MICU3: variants seen among roughly 807,000 people sequenced by gnomAD.
MICU3 encodes the protein mitochondrial calcium uptake 3.
Under a neutral mutation model 66.5 loss-of-function variants are expected in MICU3, and 62 were observed. The observed-to-expected ratio is 0.93, with a 90% CI of 0.76 to 1.15. The LOEUF (loss-of-function observed/expected upper bound fraction) is 1.15. Ranked by LOEUF, MICU3 falls within the 50% of genes most tolerant of loss-of-function variation. MICU3 has a pLI of 0.00. For synonymous variants in MICU3, 308 were observed against 240.7 expected (o/e 1.28, Z -2.59); for missense variants, 779 against 664.4 (o/e 1.17, Z -1.90).
At chr8:17,085,437 C>A in intron 6 of MICU3, 119 bp downstream of exon 6, 1 of 554,944 alleles carries the variant, frequency 1.8e-6, no homozygotes, top group Non-Finnish European at 3.2e-6. Context: ...TACGCTTTTG[C>A]CTTTACTTAA....
chr8:17,109,311 C>G (rs1247484818), intron 11 of MICU3, among the ~76,000 whole-genome samples: 1 of 151,900 alleles, frequency 6.6e-6, no homozygotes, highest in Non-Finnish European at 1.5e-5. Context: ...GAACTTGAAG[C>G]TTTTTTGTTT....
At chr8:17,110,726 G>C (rs1016299179) in intron 11 of MICU3, among the ~76,000 whole-genome samples, 5 of 148,640 alleles carry the variant, frequency 3.4e-5, no homozygotes, top group African/African-American at 1.2e-4. Flanking sequence ...ACTGTACCTG[G>C]CAATTTTTTT....
chr8:17,041,940 G>C (rs1563279831), intron 1 of MICU3, among the ~76,000 whole-genome samples: 1 of 152,130 alleles, frequency 6.6e-6, no homozygotes, highest in Non-Finnish European at 1.5e-5. Context: ...ATAGAGGTTT[G>C]GGGGAAAGTG....
downstream of MICU3, among the ~76,000 whole-genome samples, chr8:17,125,202 A>C (rs1585600966): frequency 6.6e-6 from 1 of 151,552 alleles, no homozygotes; most frequent in African/African-American, 2.4e-5. Context: ...GTACCTTTTA[A>C]AGATTTCCAA....
At chr8:17,046,820 AAAG>A (rs1234585413) in intron 1 of MICU3, among the ~76,000 whole-genome samples, 1 of 152,122 alleles carries the variant, frequency 6.6e-6, no homozygotes, top group Non-Finnish European at 1.5e-5. Flanking sequence ...TCAGAGTAGA[AAAG>A]AAGACTCTTC....
chr8:17,036,962 G>A (rs189971582), intron 1 of MICU3, among the ~76,000 whole-genome samples: 1,596 of 152,354 alleles, frequency 0.01, 24 homozygotes, highest in African/African-American at 0.036. Flanking sequence ...GTCCTGCCCC[G>A]CGGGAAGGCA....
chr8:17,030,246 A>T (rs1458777898), intron 1 of MICU3, among the ~76,000 whole-genome samples: 1 of 151,808 alleles, frequency 6.6e-6, no homozygotes, highest in Non-Finnish European at 1.5e-5. Flanking sequence ...TTTCTGTTTG[A>T]TTTTATAAGC....
At chr8:17,034,993 G>A (rs1440875689) in intron 1 of MICU3, among the ~76,000 whole-genome samples, 1 of 152,204 alleles carries the variant, frequency 6.6e-6, no homozygotes, top group Admixed American at 6.5e-5. Flanking sequence ...GACCCAGTGG[G>A]AGGTGATTGA....
chr8:17,048,747 T>A (rs1158610117), intron 1 of MICU3, among the ~76,000 whole-genome samples: 1 of 152,106 alleles, frequency 6.6e-6, no homozygotes, highest in Admixed American at 6.5e-5. Flanking sequence ...TCCTGAGTAG[T>A]TGGGACTACC....
At chr8:17,105,778 C>T (rs1388018810) in intron 11 of MICU3, among the ~76,000 whole-genome samples, 194 bp downstream of exon 11, 13 of 151,974 alleles carry the variant, frequency 8.6e-5, no homozygotes, top group Non-Finnish European at 1.0e-4. Context: ...TAGATATCCA[C>T]ATTTTTCTTA....
intron 6 of MICU3, 96 bp from the exon 7 acceptor site, chr8:17,086,868 T>C: frequency 1.3e-6 from 1 of 745,608 alleles, no homozygotes; most frequent in South Asian, 1.6e-5. Flanking sequence ...GATGAAGCTG[T>C]TTTCTTTGTT....
chr8:17,041,089 A>G (rs1813988424), intron 1 of MICU3, among the ~76,000 whole-genome samples: 2 of 152,202 alleles, frequency 1.3e-5, no homozygotes, highest in Admixed American at 6.5e-5. Context: ...AATCCTTACT[A>G]TAGAAATAGA....
chr8:17,116,511 T>G lies in MICU3; in HGVS notation c.1435T>G (p.Phe479Val). 3 of 1,568,998 alleles carry G rather than the reference T, an allele frequency of 1.9e-6. No homozygotes were observed. The highest frequency in any genetic ancestry group is 4.2e-5 in the Admixed American group (2 of 48,098). The change falls in exon 13 of 15, where the codon TTC (phenylalanine) becomes GTC (valine). Residue 479 changes from phenylalanine to valine, a missense_variant. Physicochemically the swap from Phe to Val is conservative, Grantham distance 50 (BLOSUM62 -1). Coordinates refer to ENST00000318063, the MANE Select transcript of MICU3 (RefSeq NM_181723.3). ...TTCACCACATTTAGTGAACACTGTC[T>G]TCAAGATTTTTGATGTTGACAAAGA... ...KFSPHLVNTV[F>V]KIFDVDKDDQ...
Position 17,064,203 on chromosome 8 carries a change from T to A in MICU3, c.501T>A (p.Asp167Glu). 6.2e-7 allele frequency: 1 copy of A among 1,612,414 alleles called. No individual in the cohort carries two copies. The highest frequency in any genetic ancestry group is 8.5e-7 in the Non-Finnish European group (1 of 1,178,944). ...CEGQLFMTPYDFILAVTTDEP... is the reference protein window; with the variant it reads ...CEGQLFMTPYEFILAVTTDEP... ...GGCAGTTATTCATGACTCCGTATGA[T>A]TTTATTTTGGCTGTTACAACAGATG... The change falls in exon 2 of 15, where the codon GAT (aspartate) becomes GAA (glutamate). Residue 167 changes from aspartate (D) to glutamate (E), a missense_variant. By Grantham distance (45) the Asp-to-Glu change is conservative. Transcript: ENST00000318063.
chr8:17,095,710 C>T (rs1024589518), intron 8 of MICU3, among the ~76,000 whole-genome samples: 3 of 151,822 alleles, frequency 2.0e-5, no homozygotes, highest in Non-Finnish European at 4.4e-5. Context: ...CTTCTTTCCT[C>T]CTAACTGCCT....
chr8:17,048,969 A>G (rs1189774421), intron 1 of MICU3, among the ~76,000 whole-genome samples: 1 of 152,114 alleles, frequency 6.6e-6, no homozygotes, highest in South Asian at 2.1e-4. Flanking sequence ...CTGGGAATTT[A>G]TGAGCTTATT....
downstream of MICU3, among the ~76,000 whole-genome samples, chr8:17,122,953 CTAAGG>C: frequency 6.6e-6 from 1 of 152,096 alleles, no homozygotes; most frequent in African/African-American, 2.4e-5. Context: ...TATCATCTTA[CTAAGG>C]TAACACCTAG....
chr8:17,094,775 G>C (rs1800491601), intron 8 of MICU3, among the ~76,000 whole-genome samples: 1 of 151,908 alleles, frequency 6.6e-6, no homozygotes, highest in African/African-American at 2.4e-5. Flanking sequence ...CCATCACACA[G>C]GTGTTCTTTC....
chr8:17,051,194 C>G (rs1816020264), intron 1 of MICU3, among the ~76,000 whole-genome samples: 1 of 151,520 alleles, frequency 6.6e-6, no homozygotes, highest in South Asian at 2.1e-4. Context: ...GTATTAGTAC[C>G]ACATAGGTAT....
Sources: allele counts gnomAD v4.1 joint callset (sites outside exome capture counted in the v4.1 genomes callset), GRCh38; gene constraint gnomAD v4.1.1; transcripts MANE v1.5; gene names NCBI Gene and HGNC (gene_info 2026-07-23, HGNC 2026-07-21).